The following FAT3 variants were observed in gnomAD, a reference collection of about 807,000 sequenced individuals.
The protein encoded by FAT3 is FAT atypical cadherin 3, also known as protocadherin Fat 3.
FAT3 carries 95 observed loss-of-function variants against 310.2 expected under a neutral mutation model. The ratio of observed to expected loss-of-function variants is 0.31; its 90% CI spans 0.26 to 0.36. The LOEUF (loss-of-function observed/expected upper bound fraction) is 0.36, where lower values mean the gene tolerates loss of function less well. Among genes scored for constraint, FAT3 ranks in the 10% least tolerant of loss-of-function variants. The probability of loss-of-function intolerance (pLI) is 1.00; values close to 1 mark genes in which losing one functional copy is unlikely to be tolerated. For missense variants in FAT3, 5,408 were observed against 5,715.6 expected (o/e 0.95, Z 1.74); for synonymous variants, 2,314 against 2,192.9 (o/e 1.06, Z -1.54).
At chr11:92,781,006 A>G (rs1946734227) in intron 7 of FAT3, among the ~76,000 whole-genome samples, 1 of 151,998 alleles carries the variant, frequency 6.6e-6, no homozygotes, top group South Asian at 2.1e-4. Context: ...ATACATAGTA[A>G]TATATGATAC....
chr11:92,239,681 C>T (rs981366169), intron 1 of FAT3, among the ~76,000 whole-genome samples: 6 of 152,074 alleles, frequency 3.9e-5, no homozygotes, highest in African/African-American at 1.4e-4. Context: ...GCTGTGCTTG[C>T]ACAGGAGAGG....
chr11:92,765,174 A>C, intron 6 of FAT3, 85 bp downstream of exon 6: 1 of 1,178,226 alleles, frequency 8.5e-7, no homozygotes, highest in Non-Finnish European at 1.2e-6. Flanking sequence ...GAAAGAAAGC[A>C]AAAAACTAAC....
At chr11:92,869,940 T>G (rs887625585) in intron 22 of FAT3, among the ~76,000 whole-genome samples, 1 of 152,170 alleles carries the variant, frequency 6.6e-6, no homozygotes, top group Non-Finnish European at 1.5e-5. Flanking sequence ...GGGCTAGAGA[T>G]AGTAGAAGGA....
intron 1 of FAT3, 46 bp from the exon 2 acceptor site, chr11:92,352,050 C>G (rs1439701506): frequency 1.3e-5 from 15 of 1,192,800 alleles, no homozygotes; most frequent in Non-Finnish European, 1.5e-5. Context: ...CCCCCTTCTT[C>G]TAGGATGGTT....
At chr11:92,765,471 CT>C (rs557482474) in intron 6 of FAT3, among the ~76,000 whole-genome samples, 35 of 149,344 alleles carry the variant, frequency 2.3e-4, no homozygotes, top group Non-Finnish European at 3.7e-4. Flanking sequence ...GCATTCTGTT[CT>C]TTTTTTTTTC....
At chr11:92,861,647 G>C (rs1949126080) in intron 21 of FAT3, among the ~76,000 whole-genome samples, 1 of 152,176 alleles carries the variant, frequency 6.6e-6, no homozygotes, top group East Asian at 1.9e-4. Flanking sequence ...TGTTGGGTTT[G>C]CCTAAAGCAG....
At chr11:92,568,048 TA>T (rs201604206) in intron 3 of FAT3, among the ~76,000 whole-genome samples, 1,740 of 151,362 alleles carry the variant, frequency 0.011, 32 homozygotes, top group African/African-American at 0.04. Flanking sequence ...ATAATAATAA[TA>T]AAAAAAAATT....
chr11:92,710,489 A>T (rs1944487386), intron 4 of FAT3, among the ~76,000 whole-genome samples: 1 of 152,224 alleles, frequency 6.6e-6, no homozygotes, highest in Admixed American at 6.5e-5. Context: ...ATTTAAAGCA[A>T]TATTACAGCC....
chr11:92,885,611 T>C (rs1222573947), intron 24 of FAT3, among the ~76,000 whole-genome samples: 1 of 152,200 alleles, frequency 6.6e-6, no homozygotes, highest in East Asian at 1.9e-4. Context: ...TCTCAAATTA[T>C]CTGTTGAGTT....
intron 1 of FAT3, among the ~76,000 whole-genome samples, chr11:92,301,321 G>A (rs1946991988): frequency 6.6e-6 from 1 of 152,178 alleles, no homozygotes; most frequent in Non-Finnish European, 1.5e-5. Flanking sequence ...GGGCACTACA[G>A]TGGATAAGCT....
intron 3 of FAT3, among the ~76,000 whole-genome samples, chr11:92,578,871 A>G (rs969293362): frequency 1.3e-5 from 2 of 152,086 alleles, no homozygotes; most frequent in East Asian, 3.9e-4. Context: ...ATCGTCTAAT[A>G]TATCATAAAA....
At chr11:92,657,730 C>G (rs1228860755) in intron 3 of FAT3, among the ~76,000 whole-genome samples, 2 of 152,154 alleles carry the variant, frequency 1.3e-5, no homozygotes, top group African/African-American at 2.4e-5. Flanking sequence ...TTCAGGAAGA[C>G]CTCAGATGCT....
At chr11:92,648,382 G>C (rs566429963) in intron 3 of FAT3, among the ~76,000 whole-genome samples, 1 of 152,254 alleles carries the variant, frequency 6.6e-6, no homozygotes, top group East Asian at 1.9e-4. Flanking sequence ...GGGGTGTGCT[G>C]TGCAGGCCCC....
intron 1 of FAT3, among the ~76,000 whole-genome samples, chr11:92,319,339 A>T (rs916587987): frequency 6.6e-6 from 1 of 152,046 alleles, no homozygotes; most frequent in African/African-American, 2.4e-5. Flanking sequence ...TCAACACTGA[A>T]TGATGGGAAA....
At chr11:92,412,746 A>ATATATATATATAT (rs1591252852) in intron 2 of FAT3, among the ~76,000 whole-genome samples, 10 of 18,068 alleles carry the variant, frequency 5.5e-4, no homozygotes, top group Non-Finnish European at 9.7e-4. Flanking sequence ...TATATATATA[A>ATATATATATATAT]ATATACATAC....
chr11:92,513,121 C>CAAAAAAAAAA (rs752761388), intron 2 of FAT3, among the ~76,000 whole-genome samples: 6 of 31,200 alleles, frequency 1.9e-4, no homozygotes, highest in East Asian at 9.7e-4. Flanking sequence ...GACTCCGTCT[C>CAAAAAAAAAA]AAAAAAAAAA....
chr11:92,372,730 G>C, intron 2 of FAT3, among the ~76,000 whole-genome samples: 1 of 151,852 alleles, frequency 6.6e-6, no homozygotes, highest in East Asian at 1.9e-4. Flanking sequence ...GCGCGATCTC[G>C]GCTCACTGCA....
At chr11:92,655,628 G>A (rs1942549941) in intron 3 of FAT3, among the ~76,000 whole-genome samples, 1 of 152,002 alleles carries the variant, frequency 6.6e-6, no homozygotes, top group Admixed American at 6.6e-5. Context: ...TTCCCCTTGA[G>A]GTACGCCACA....
chr11:92,730,395 G>T (rs1221401988), intron 4 of FAT3, among the ~76,000 whole-genome samples: 1 of 152,120 alleles, frequency 6.6e-6, no homozygotes, highest in Non-Finnish European at 1.5e-5. Context: ...TTTAGAGTTT[G>T]CAATTAGTTT....
Sources: gnomAD v4.1 joint callset for allele counts (sites outside exome capture counted in the v4.1 genomes callset) on GRCh38, gnomAD v4.1.1 for gene constraint, MANE v1.5 for transcripts, NCBI Gene and HGNC (gene_info 2026-07-23, HGNC 2026-07-21) for gene names.